ADAMTS17: variants seen among roughly 807,000 people sequenced by gnomAD.
ADAMTS17 encodes the protein A disintegrin and metalloproteinase with thrombospondin motifs 17.
Under a neutral mutation model 141.5 loss-of-function variants are expected in ADAMTS17, and 113 were observed. That is an observed-to-expected ratio of 0.80 (90% CI 0.69 to 0.93). The LOEUF is 0.93. ADAMTS17 is among the 40% of genes least tolerant of loss of function. ADAMTS17 has a pLI of 0.00. For missense variants in ADAMTS17, 1,659 were observed against 1,517.9 expected (o/e 1.09, Z -1.54); for synonymous variants, 768 against 630.6 (o/e 1.22, Z -3.27).
rs754007602 is a variant in ADAMTS17, at chr15:100,133,262, C to T, written c.1527G>A (p.Lys509=). 18 of 1,600,200 alleles carry T rather than the reference C, an allele frequency of 1.1e-5. No individual in the cohort carries two copies. Among genetic ancestry groups the T allele is most frequent in the East Asian group, 2.2e-5 (1 of 44,730 alleles). ...CATCCAGGGGAGGGTCCAGCTTGGT[C>T]TTGCAGGATGTGTCTCCTTCTACCA... ...WCLVEGDTSC[K]TKLDPPLDGT... Residue 509 remains lysine (K), a synonymous_variant, in exon 11 of 22, where the codon AAG becomes AAA. Coordinates refer to ENST00000268070, the MANE Select transcript of ADAMTS17 (RefSeq NM_139057.4).
chr15:100,143,703 A>G (rs563149276), intron 10 of ADAMTS17, among the ~76,000 whole-genome samples: 1 of 152,358 alleles, frequency 6.6e-6, no homozygotes, highest in East Asian at 1.9e-4. Flanking sequence ...GGGAGCCTCC[A>G]GAGTCCTAAG....
In ADAMTS17 at chr15:100,155,278, G is replaced by C; in HGVS notation, c.1224C>G (p.Gly408=). 2 of 1,614,196 alleles carry C rather than the reference G, an allele frequency of 1.2e-6. No individual in the cohort carries two copies. The highest frequency in any genetic ancestry group is 2.2e-5 in the East Asian group (1 of 44,886). Residue 408 remains glycine (G), a synonymous_variant, in exon 9 of 22, where the codon GGC becomes GGG. Coordinates refer to ENST00000268070, the MANE Select transcript of ADAMTS17 (RefSeq NM_139057.4). ...NHDDDHSSCA[G]RSHIMSGEWV... Reference sequence around the variant, plus strand: ...ACTCTCCTGACATGATGTGGGACCTGCCAGCGCAAGATGAGTGGTCATCGT... The same window carrying C: ...ACTCTCCTGACATGATGTGGGACCTCCCAGCGCAAGATGAGTGGTCATCGT...
intron 15 of ADAMTS17, among the ~76,000 whole-genome samples, chr15:100,083,876 C>T (rs1462075155): frequency 2.0e-5 from 3 of 151,676 alleles, no homozygotes; most frequent in African/African-American, 4.9e-5. Context: ...GCCAAGATGA[C>T]CAAATAGGAA....
chr15:100,242,815 T>G (rs1455499995), intron 7 of ADAMTS17, among the ~76,000 whole-genome samples: 1 of 152,236 alleles, frequency 6.6e-6, no homozygotes, highest in Non-Finnish European at 1.5e-5. Flanking sequence ...TTAAAAAAAT[T>G]ATGTAAAGTA....
At chr15:100,334,918 T>G (rs1468953516) in intron 2 of ADAMTS17, among the ~76,000 whole-genome samples, 1 of 152,158 alleles carries the variant, frequency 6.6e-6, no homozygotes, top group East Asian at 1.9e-4. Flanking sequence ...TTCTGAGGCT[T>G]GCCATGGTCG....
intron 8 of ADAMTS17, among the ~76,000 whole-genome samples, chr15:100,161,809 C>T (rs181881431): frequency 2.6e-5 from 4 of 152,274 alleles, no homozygotes; most frequent in African/African-American, 9.6e-5. Context: ...GGTCAATTTC[C>T]ATGATCATCA....
intron 12 of ADAMTS17, among the ~76,000 whole-genome samples, chr15:100,127,111 G>A (rs12438787): frequency 0.12 from 18,625 of 152,166 alleles, 1,375 homozygotes; most frequent in Admixed American, 0.19. Context: ...TGCTGTGGCC[G>A]AGAGCACAAA....
rs541197112 is a variant in ADAMTS17 at position 99,974,378 on chromosome 15, T to G, written c.*24A>C. On this transcript the variant is annotated 3_prime_UTR_variant, in exon 22 of 22. Coordinates refer to ENST00000268070, the MANE Select transcript of ADAMTS17 (RefSeq NM_139057.4). ...TGGGTTTCAGACCTGAGTCTGAGCT[T>G]TGAGCGACCCTTGGGACTGCGTGTC... 2 of 1,613,900 alleles carry G rather than the reference T, an allele frequency of 1.2e-6. No homozygotes were observed. The highest frequency in any genetic ancestry group is 2.2e-5 in the South Asian group (2 of 91,072).
At chr15:100,025,414 CT>C (rs530003718) in intron 18 of ADAMTS17, among the ~76,000 whole-genome samples, 389 of 135,866 alleles carry the variant, frequency 2.9e-3, no homozygotes, top group African/African-American at 5.5e-3. Flanking sequence ...CTTTTCTTTT[CT>C]TTTTTTTTTT....
chr15:100,167,436 C>G (rs549717008), intron 8 of ADAMTS17, among the ~76,000 whole-genome samples: 1 of 152,060 alleles, frequency 6.6e-6, no homozygotes, highest in African/African-American at 2.4e-5. Context: ...GATGGTCGTG[C>G]GGATGCCGTC....
At chr15:100,203,594 A>T (rs1039415869) in intron 7 of ADAMTS17, among the ~76,000 whole-genome samples, 1 of 152,166 alleles carries the variant, frequency 6.6e-6, no homozygotes, top group African/African-American at 2.4e-5. Flanking sequence ...AGTCCCAGCT[A>T]CTTGGGAGAC....
intron 20 of ADAMTS17, among the ~76,000 whole-genome samples, chr15:99,982,861 C>G (rs960115616): frequency 2.0e-5 from 3 of 152,144 alleles, no homozygotes; most frequent in African/African-American, 7.2e-5. Context: ...GAGCTGGCTG[C>G]CCGGTGGAGA....
intron 2 of ADAMTS17, among the ~76,000 whole-genome samples, chr15:100,339,399 TTCCA>T (rs749232098): frequency 1.7e-4 from 26 of 152,204 alleles, no homozygotes; most frequent in Non-Finnish European, 3.1e-4. Flanking sequence ...ATTCAGATGT[TTCCA>T]TGTACAGTAC....
chr15:99,985,418 C>T (rs539229648), intron 20 of ADAMTS17, among the ~76,000 whole-genome samples: 2 of 152,282 alleles, frequency 1.3e-5, no homozygotes, highest in South Asian at 4.2e-4. Flanking sequence ...AATAAGGACT[C>T]AACTTTTACT....
intron 7 of ADAMTS17, among the ~76,000 whole-genome samples, chr15:100,201,516 A>C (rs760388924): frequency 3.2e-4 from 49 of 152,268 alleles, no homozygotes; most frequent in African/African-American, 1.1e-3. Flanking sequence ...AGACTAATAC[A>C]TCCTCCTTCC....
intron 7 of ADAMTS17, among the ~76,000 whole-genome samples, chr15:100,211,010 G>T (rs2041784401): frequency 6.6e-6 from 1 of 152,022 alleles, no homozygotes; most frequent in Non-Finnish European, 1.5e-5. Flanking sequence ...TGAGGCAGGA[G>T]AATGGCGTGA....
intron 2 of ADAMTS17, among the ~76,000 whole-genome samples, chr15:100,339,988 G>C (rs985041382): frequency 6.6e-6 from 1 of 152,234 alleles, no homozygotes; most frequent in African/African-American, 2.4e-5. Flanking sequence ...GGTGGCACAA[G>C]AAAAGGTGGA....
intron 20 of ADAMTS17, among the ~76,000 whole-genome samples, chr15:99,990,803 T>G (rs1172032423): frequency 6.6e-6 from 1 of 152,174 alleles, no homozygotes; most frequent in African/African-American, 2.4e-5. Flanking sequence ...CTGAGCCATG[T>G]TGCCACATTT....
At chr15:100,286,501 A>G (rs899633866) in intron 3 of ADAMTS17, among the ~76,000 whole-genome samples, 4 of 152,158 alleles carry the variant, frequency 2.6e-5, no homozygotes, top group African/African-American at 9.7e-5. Flanking sequence ...GGGACCAGAA[A>G]ACAAAGCTGG....
Sources: gnomAD v4.1 joint callset for allele counts (sites outside exome capture counted in the v4.1 genomes callset) on GRCh38, gnomAD v4.1.1 for gene constraint, MANE v1.5 for transcripts, NCBI Gene and HGNC (gene_info 2026-07-23, HGNC 2026-07-21) for gene names.